The following ATP6V0A1 variants were observed in gnomAD, a reference collection of about 807,000 sequenced individuals.
The protein encoded by ATP6V0A1 is V-type proton ATPase 116 kDa subunit a 1.
Under a neutral mutation model 105.4 loss-of-function variants are expected in ATP6V0A1, and 43 were observed. That is an observed-to-expected ratio of 0.41 (90% CI 0.32 to 0.53). The LOEUF (loss-of-function observed/expected upper bound fraction) is 0.53. ATP6V0A1 is among the 20% of genes least tolerant of loss of function. The pLI, the probability that ATP6V0A1 is intolerant of heterozygous loss-of-function variation, is 0.30. For synonymous variants in ATP6V0A1, 362 were observed against 372.8 expected, an observed-to-expected ratio of 0.97 and a Z score of 0.33; for missense variants, 676 against 1,051.1, an observed-to-expected ratio of 0.64 and a Z score of 4.93.
chr17:42,519,507 C>G (rs964263988), intron 21 of ATP6V0A1: 1 of 152,178 alleles, frequency 6.6e-6, no homozygotes, highest in Non-Finnish European at 1.5e-5. Flanking sequence ...CTGAAATAAC[C>G]CTTGCCACAT....
At chr17:42,492,174 G>T (rs183054018) in intron 11 of ATP6V0A1, among the ~76,000 whole-genome samples, 6 of 151,588 alleles carry the variant, frequency 4.0e-5, no homozygotes, top group African/African-American at 1.2e-4. Flanking sequence ...TTTGAGACCA[G>T]CCTGGCCAAC....
chr17:42,518,298 G>C (rs757899950), intron 21 of ATP6V0A1: 1 of 152,236 alleles, frequency 6.6e-6, no homozygotes, highest in Non-Finnish European at 1.5e-5. Flanking sequence ...GGACAGAATC[G>C]GGGACCAGCT....
intron 2 of ATP6V0A1, among the ~76,000 whole-genome samples, chr17:42,464,821 T>G (rs927272705): frequency 6.6e-6 from 1 of 152,176 alleles, no homozygotes; most frequent in African/African-American, 2.4e-5. Flanking sequence ...ATTCTTTGTA[T>G]TTTCCCCAGT....
At chr17:42,488,659 TG>T (rs1345370362) in intron 10 of ATP6V0A1, among the ~76,000 whole-genome samples, 1 of 152,054 alleles carries the variant, frequency 6.6e-6, no homozygotes, top group African/African-American at 2.4e-5. Context: ...GACAGGGTTT[TG>T]CCATGTTGCC....
intron 17 of ATP6V0A1, among the ~76,000 whole-genome samples, chr17:42,503,684 ACTT>A (rs1373617426): frequency 2.6e-5 from 4 of 152,254 alleles, no homozygotes; most frequent in African/African-American, 9.6e-5. Context: ...CGAAGCATAT[ACTT>A]CTTTAAATAA....
chr17:42,518,022 G>A (rs887895350), intron 21 of ATP6V0A1: 3 of 152,244 alleles, frequency 2.0e-5, no homozygotes, highest in Admixed American at 6.5e-5. Context: ...TCTGTCTCCT[G>A]AGTTTTCTCT....
At chr17:42,478,624 C>G (rs746416680) in intron 7 of ATP6V0A1, 35 bp downstream of exon 7, 1 of 1,527,910 alleles carries the variant, frequency 6.5e-7, no homozygotes, top group Non-Finnish European at 8.9e-7. Flanking sequence ...TGGAGTAGGT[C>G]TTGTAAAGGG....
intron 17 of ATP6V0A1, among the ~76,000 whole-genome samples, chr17:42,503,830 A>G (rs187596459): frequency 3.2e-4 from 48 of 152,354 alleles, no homozygotes; most frequent in African/African-American, 1.1e-3. Flanking sequence ...AAAAGGGCTG[A>G]CATTTTGAGT....
At chr17:42,487,834 G>C (rs2090259533) in intron 10 of ATP6V0A1, among the ~76,000 whole-genome samples, 1 of 152,130 alleles carries the variant, frequency 6.6e-6, no homozygotes, top group African/African-American at 2.4e-5. Context: ...CTTTTAACTT[G>C]ACAGCACATT....
intron 13 of ATP6V0A1, 96 bp downstream of exon 13, chr17:42,495,284 T>C: frequency 1.5e-6 from 2 of 1,321,678 alleles, no homozygotes; most frequent in South Asian, 1.3e-5. Flanking sequence ...CTTTAGGAAG[T>C]GGTGACAGTG....
chr17:42,501,948 C>G (rs897960561), intron 17 of ATP6V0A1, among the ~76,000 whole-genome samples: 4 of 152,006 alleles, frequency 2.6e-5, no homozygotes, highest in Non-Finnish European at 2.9e-5. Flanking sequence ...GTGGAAGGAT[C>G]GCTTGAATCT....
chr17:42,492,104 C>A (rs997265676), intron 11 of ATP6V0A1, among the ~76,000 whole-genome samples: 1 of 152,202 alleles, frequency 6.6e-6, no homozygotes, highest in Non-Finnish European at 1.5e-5. Context: ...CATGGTGGCT[C>A]ACGCCTGTAA....
At chr17:42,494,550 G>A (rs1290499753) in intron 12 of ATP6V0A1, 77 bp downstream of exon 12, 51 of 1,487,750 alleles carry the variant, frequency 3.4e-5, no homozygotes, top group Non-Finnish European at 4.7e-5. Context: ...TTATGATCTG[G>A]AAGTCTTTTA....
At chr17:42,494,069 C>T (rs959445968) in intron 11 of ATP6V0A1, among the ~76,000 whole-genome samples, 1 of 151,922 alleles carries the variant, frequency 6.6e-6, no homozygotes, top group Admixed American at 6.6e-5. Flanking sequence ...ATGGTGAAAC[C>T]CTGTCTCTAC....
intron 7 of ATP6V0A1, among the ~76,000 whole-genome samples, chr17:42,480,043 G>A (rs909571124): frequency 6.6e-6 from 1 of 152,116 alleles, no homozygotes; most frequent in African/African-American, 2.4e-5. Flanking sequence ...AGCTCTACAT[G>A]CTGTGTATGA....
At chr17:42,476,615 T>G (rs1230099536) in intron 5 of ATP6V0A1, among the ~76,000 whole-genome samples, 1 of 152,072 alleles carries the variant, frequency 6.6e-6, no homozygotes, top group Non-Finnish European at 1.5e-5. Flanking sequence ...GTTTTGTTTT[T>G]TGGAGCAGCT....
chr17:42,481,203 G>C (rs1001684512), intron 8 of ATP6V0A1: 1 of 151,866 alleles, frequency 6.6e-6, no homozygotes, highest in Non-Finnish European at 1.5e-5. Context: ...GATTAGAGGC[G>C]TGAGCCACTA....
intron 21 of ATP6V0A1, among the ~76,000 whole-genome samples, chr17:42,516,721 G>A (rs1185268628): frequency 6.6e-6 from 1 of 152,216 alleles, no homozygotes; most frequent in Admixed American, 6.5e-5. Flanking sequence ...TTTGTTGCCA[G>A]AAGATTGCTT....
intron 10 of ATP6V0A1, among the ~76,000 whole-genome samples, 200 bp from the exon 11 acceptor site, chr17:42,490,287 C>T (rs1341698556): frequency 6.6e-6 from 1 of 151,894 alleles, no homozygotes; most frequent in Non-Finnish European, 1.5e-5. Context: ...ATACCTTTTC[C>T]CAGTTTTCCC....
Sources: allele counts gnomAD v4.1 joint callset (sites outside exome capture counted in the v4.1 genomes callset), GRCh38; gene constraint gnomAD v4.1.1; transcripts MANE v1.5; gene names NCBI Gene and HGNC (gene_info 2026-07-23, HGNC 2026-07-21).